The following USH2A variants were observed in gnomAD, a reference collection of about 807,000 sequenced individuals.
USH2A encodes the protein Usher syndrome 2A (autosomal recessive, mild).
Under a neutral mutation model 538.9 loss-of-function variants are expected in USH2A, and 443 were observed. The observed-to-expected ratio is 0.82, with a 90% confidence interval of 0.76 to 0.89. The LOEUF is 0.89. Ranked by LOEUF, USH2A falls within the 40% of genes least tolerant of loss-of-function variation. USH2A has a pLI of 0.00. For synonymous variants in USH2A, 2,413 were observed against 2,273.5 expected (o/e 1.06, Z -1.75); for missense variants, 6,633 against 6,324.8 (o/e 1.05, Z -1.65).
At chr1:216,273,611 G>A (rs1337768512) in intron 11 of USH2A, among the ~76,000 whole-genome samples, 1 of 151,950 alleles carries the variant, frequency 6.6e-6, no homozygotes, top group African/African-American at 2.4e-5. Flanking sequence ...TATGCACAGT[G>A]CCTGGTATAT....
At chr1:215,893,192 C>G (rs1247284992) in intron 40 of USH2A, among the ~76,000 whole-genome samples, 1 of 152,090 alleles carries the variant, frequency 6.6e-6, no homozygotes, top group Non-Finnish European at 1.5e-5. Flanking sequence ...AGGAAGACAA[C>G]AAGATTAAAT....
intron 71 of USH2A, among the ~76,000 whole-genome samples, chr1:215,627,344 T>G (rs1571913068): frequency 6.6e-6 from 1 of 151,868 alleles, no homozygotes; most frequent in Non-Finnish European, 1.5e-5. Context: ...TGGTTATGTT[T>G]CTTTTCTTTT....
intron 21 of USH2A, among the ~76,000 whole-genome samples, chr1:216,163,919 T>C (rs1039885621): frequency 9.2e-5 from 14 of 152,102 alleles, no homozygotes; most frequent in African/African-American, 3.4e-4. Context: ...CCTAGAAGCC[T>C]TTGTTACTCA....
chr1:216,379,688 G>A (rs940668685), intron 3 of USH2A, among the ~76,000 whole-genome samples: 1 of 152,154 alleles, frequency 6.6e-6, no homozygotes, highest in South Asian at 2.1e-4. Flanking sequence ...ACAATGGGGA[G>A]AAAGTGTCAT....
At chr1:216,266,670 C>A (rs1173752926) in intron 11 of USH2A, among the ~76,000 whole-genome samples, 1 of 151,932 alleles carries the variant, frequency 6.6e-6, no homozygotes, top group Non-Finnish European at 1.5e-5. Context: ...GATAGCAGGG[C>A]AGGAGGTCCT....
Position 215,674,217 on chromosome 1 carries a change from T to C in USH2A, c.13694A>G (p.Tyr4565Cys), listed in dbSNP as rs1412336334. ...PVRTNGDIIN[Y>C]TLFIRELFER... ...AAATAGTTCACGGATGAAGAGGGTA[T>C]AATTGATGATATCACCATTTGTTCT... Residue 4565 changes from tyrosine (Y) to cysteine (C), a missense_variant, in exon 63 of 72, where the codon TAT becomes TGT. Coordinates refer to ENST00000307340, the MANE Select transcript of USH2A (RefSeq NM_206933.4). The C allele has an allele frequency of 3.7e-6, 6 of 1,614,204 alleles. No homozygotes were observed. In the South Asian group the frequency reaches 5.5e-5, roughly 15 times the overall value.
chr1:215,852,862 C>T (rs1270328757), intron 44 of USH2A, among the ~76,000 whole-genome samples: 2 of 152,198 alleles, frequency 1.3e-5, no homozygotes, highest in Non-Finnish European at 2.9e-5. Flanking sequence ...TCTTGGGCAG[C>T]TCTGCACCTG....
At chr1:216,370,282 AC>A (rs2038681290) in intron 3 of USH2A, among the ~76,000 whole-genome samples, 1 of 151,800 alleles carries the variant, frequency 6.6e-6, no homozygotes, top group African/African-American at 2.4e-5. Flanking sequence ...AATTACTTGA[AC>A]CGGGGAGGTG....
intron 25 of USH2A, 77 bp from the exon 26 acceptor site, chr1:216,083,663 T>C: frequency 6.9e-7 from 1 of 1,441,068 alleles, no homozygotes; most frequent in Non-Finnish European, 9.6e-7. Context: ...TAAGAAACTC[T>C]AGGACACAGT....
At chr1:215,737,118 T>C (rs928617133) in intron 60 of USH2A, among the ~76,000 whole-genome samples, 3 of 151,826 alleles carry the variant, frequency 2.0e-5, no homozygotes, top group African/African-American at 7.2e-5. Context: ...AACAGAATAT[T>C]GATGAGTCAT....
chr1:216,229,181 A>C lies in USH2A; in HGVS notation c.2993+2772T>G, dbSNP rs868415013. Among the ~76,000 whole-genome samples the C allele has an allele frequency of 6.8e-4, 103 of 152,084 alleles. 2 individuals carry two copies. Among genetic ancestry groups the C allele is most frequent in the African/African-American group, 2.2e-3 (92 of 41,512 alleles). On this transcript the variant is annotated intron_variant, in intron 14 of 71. Transcript: ENST00000307340. ...AGAGTGTGAGACTCTGTCCAAAAAAAAAACCCCACACTTAATCTGAATCAT... is the reference window on the plus strand; with the variant it reads ...AGAGTGTGAGACTCTGTCCAAAAAACAAACCCCACACTTAATCTGAATCAT...
chr1:215,731,991 T>C (rs1660007393), intron 60 of USH2A, among the ~76,000 whole-genome samples: 1 of 152,214 alleles, frequency 6.6e-6, no homozygotes, highest in Non-Finnish European at 1.5e-5. Flanking sequence ...AATAACCTCA[T>C]AGAGTATAAC....
At chr1:216,276,071 A>G (rs1257677674) in intron 11 of USH2A, among the ~76,000 whole-genome samples, 1 of 152,128 alleles carries the variant, frequency 6.6e-6, no homozygotes, top group Non-Finnish European at 1.5e-5. Context: ...ACAAGTTTTC[A>G]ATTTCTGCAC....
At chr1:216,342,221 A>G (rs924844455) in intron 4 of USH2A, among the ~76,000 whole-genome samples, 1 of 152,192 alleles carries the variant, frequency 6.6e-6, no homozygotes, top group Non-Finnish European at 1.5e-5. Context: ...ACATTAATGC[A>G]GTCAACAAAC....
intron 4 of USH2A, among the ~76,000 whole-genome samples, chr1:216,361,605 G>A (rs1421514308): frequency 6.6e-6 from 1 of 152,030 alleles, no homozygotes; most frequent in Admixed American, 6.6e-5. Flanking sequence ...TCCCAAAAAA[G>A]CATATTCATT....
Position 215,625,890 on chromosome 1 carries a change from T to C in USH2A, c.15520-20A>G. The C allele has an allele frequency of 6.2e-7, 1 of 1,606,206 alleles. No homozygotes were observed. The highest frequency in any genetic ancestry group is 8.5e-7 in the Non-Finnish European group (1 of 1,172,862). ...CACATACTGAAAAATAAGCCAATCA[T>C]CATTGGCTACATACTTGCTATCAAT... is the stretch of plus-strand genomic sequence containing the variant. On this transcript the variant is annotated intron_variant, in intron 71 of 71. Transcript: ENST00000307340.
intron 37 of USH2A, among the ~76,000 whole-genome samples, chr1:215,950,587 A>T (rs1666888525): frequency 6.6e-6 from 1 of 150,390 alleles, no homozygotes; most frequent in Non-Finnish European, 1.5e-5. Context: ...GCTCACTACA[A>T]TCTCCAAATC....
intron 13 of USH2A, among the ~76,000 whole-genome samples, chr1:216,238,495 C>T (rs1045956123): frequency 1.3e-5 from 2 of 152,062 alleles, no homozygotes; most frequent in Non-Finnish European, 2.9e-5. Flanking sequence ...ACACACACTC[C>T]AAATAATTTT....
intron 44 of USH2A, among the ~76,000 whole-genome samples, chr1:215,856,040 A>G (rs1034436763): frequency 6.6e-6 from 1 of 152,222 alleles, no homozygotes; most frequent in African/African-American, 2.4e-5. Context: ...TCAACTCAAG[A>G]TGGAACAAAG....
Sources: gnomAD v4.1 joint callset for allele counts (sites outside exome capture counted in the v4.1 genomes callset) on GRCh38, gnomAD v4.1.1 for gene constraint, MANE v1.5 for transcripts, NCBI Gene and HGNC (gene_info 2026-07-23, HGNC 2026-07-21) for gene names.